DNAH10: variants seen among roughly 807,000 people sequenced by gnomAD.
The protein encoded by DNAH10 is dynein axonemal heavy chain 10, also known as axonemal beta dynein heavy chain 10.
DNAH10 carries 348 observed loss-of-function variants against 506.6 expected under a neutral mutation model. That is an observed-to-expected ratio of 0.69 (90% CI 0.63 to 0.75). The LOEUF (loss-of-function observed/expected upper bound fraction) is 0.75. Among genes scored for constraint, DNAH10 ranks in the 30% least tolerant of loss-of-function variants. DNAH10 has a pLI of 0.00. For synonymous variants in DNAH10, 2,059 were observed against 2,198.6 expected, an observed-to-expected ratio of 0.94 and a Z score of 1.78; for missense variants, 5,179 against 5,787.1, an observed-to-expected ratio of 0.89 and a Z score of 3.41.
Position 123,873,663 on chromosome 12 carries a change from A to G in DNAH10, c.7891A>G (p.Met2631Val), listed in dbSNP as rs771426524. 4.3e-6 allele frequency: 7 copies of G among 1,613,390 alleles called. No homozygotes were observed. The highest frequency in any genetic ancestry group is 5.9e-6 in the Non-Finnish European group (7 of 1,179,614). ...AACCAAAGATACTTACGGCCCACCCATGGGAAAACGCCTGCTGGTGTTCAT... is the reference window on the plus strand; with the variant it reads ...AACCAAAGATACTTACGGCCCACCCGTGGGAAAACGCCTGCTGGTGTTCAT... ...KRTKDTYGPP[M>V]GKRLLVFMDD... The change falls in exon 46 of 79, where the codon ATG becomes GTG. Residue 2631 changes from methionine (M) to valine (V), a missense_variant. By Grantham distance (21) the Met-to-Val change is conservative. Transcript: ENST00000673944.
At chr12:123,832,932 C>G (rs533458843) in intron 26 of DNAH10, among the ~76,000 whole-genome samples, 182 bp from the exon 27 acceptor site, 5 of 152,240 alleles carry the variant, frequency 3.3e-5, no homozygotes, top group Admixed American at 1.3e-4. Context: ...GCTTACCTGC[C>G]ACATAGCGAA....
chr12:123,766,457 C>T (rs1028780800), intron 1 of DNAH10, among the ~76,000 whole-genome samples: 6 of 152,080 alleles, frequency 3.9e-5, no homozygotes, highest in Admixed American at 6.6e-5. Context: ...CTCCCCCCAC[C>T]ACATGTTTTG....
At position 123,931,638 on chromosome 12, in the gene DNAH10, G is replaced by C; in HGVS notation, c.12919G>C (p.Glu4307Gln). 1 of 1,613,814 alleles carries C rather than the reference G, an allele frequency of 6.2e-7. No homozygotes were observed. Among genetic ancestry groups the C allele is most frequent in the East Asian group, 2.2e-5 (1 of 44,880 alleles). The change falls in exon 75 of 79, where the codon GAA becomes CAA. Residue 4307 changes from glutamate (E) to glutamine (Q), a missense_variant and splice_region_variant. Physicochemically the swap from Glu to Gln is conservative, Grantham distance 29. Coordinates refer to ENST00000673944, the MANE Select transcript of DNAH10 (RefSeq NM_001372106.1). The stretch of plus-strand genomic sequence containing the variant: ...TCTGAAAAGTGTCCTGGTTTTAGGG[G>C]AATCCAGCAGTGGTATCAGCCGCGA... The part of the protein sequence containing the change: ...HLLELQPQTG[E>Q]SSSGISRDDY...
chr12:123,896,148 C>CACATAG lies in DNAH10; in HGVS notation c.9280+1426_9280+1427insCATAGA, dbSNP rs1383690518. 9.0e-3 allele frequency among the ~76,000 whole-genome samples: 862 copies of CACATAG among 95,300 alleles called. 11 individuals are homozygous for CACATAG. Among genetic ancestry groups the CACATAG allele is most frequent in the Admixed American group, 0.02 (187 of 9,340 alleles). 62.5% of individuals were successfully genotyped at this position (95,300 alleles called of 152,430 possible). On this transcript the variant is annotated intron_variant, in intron 54 of 78. Transcript: ENST00000673944. Reference sequence around the variant, plus strand: ...ACACACACACACACACACACACACACAGAGAGAGAGAGAGAGAGAGAGAGA... The same window carrying CACATAG: ...ACACACACACACACACACACACACACACATAGAGAGAGAGAGAGAGAGAGAGAGAGA...
chr12:123,866,486 G>A (rs894744480), intron 41 of DNAH10, among the ~76,000 whole-genome samples: 1 of 151,744 alleles, frequency 6.6e-6, no homozygotes, highest in Non-Finnish European at 1.5e-5. Flanking sequence ...CTCGTGATCT[G>A]CCCGCCTCAG....
At chr12:123,885,232 AG>A (rs1473108256) in intron 51 of DNAH10, among the ~76,000 whole-genome samples, 1 of 152,250 alleles carries the variant, frequency 6.6e-6, no homozygotes, top group Non-Finnish European at 1.5e-5. Context: ...CCTTCTTACC[AG>A]CAATGGGTTA....
intron 24 of DNAH10, among the ~76,000 whole-genome samples, chr12:123,821,232 A>G (rs1316189397): frequency 1.3e-5 from 2 of 151,976 alleles, no homozygotes; most frequent in Non-Finnish European, 2.9e-5. Context: ...CCTGGGCGAC[A>G]AGAGCGAAAC....
intron 36 of DNAH10, among the ~76,000 whole-genome samples, chr12:123,856,755 A>G (rs1023637661): frequency 6.8e-6 from 1 of 147,716 alleles, no homozygotes; most frequent in Non-Finnish European, 1.5e-5. Flanking sequence ...TTACATATTA[A>G]TATAAAATAA....
chr12:123,921,374 A>C (rs1292948513), intron 65 of DNAH10, among the ~76,000 whole-genome samples: 1 of 152,208 alleles, frequency 6.6e-6, no homozygotes, highest in African/African-American at 2.4e-5. Flanking sequence ...TTTACCCTCA[A>C]CTATGCCTGG....
Position 123,813,316 on chromosome 12 carries a change from G to C in DNAH10, c.3297G>C (p.Arg1099Ser), listed in dbSNP as rs757903114. The C allele has an allele frequency of 6.2e-6, 10 of 1,614,174 alleles. No homozygotes were observed. Among genetic ancestry groups the C allele is most frequent in the Non-Finnish European group, 8.5e-6 (10 of 1,180,038 alleles). Reference sequence around the variant, plus strand: ...TTATGATCCCCCAAAATGTCCACAGGATTCTGATCAATCTTATGAAGTATC... The same window carrying C: ...TTATGATCCCCCAAAATGTCCACAGCATTCTGATCAATCTTATGAAGTATC... Reference protein sequence around the residue: ...QAVMIPQNVHRILINLMKYLQ... With the variant: ...QAVMIPQNVHSILINLMKYLQ... The change falls in exon 20 of 79, where the codon AGG becomes AGC. Residue 1099 changes from arginine (R) to serine (S), a missense_variant. Around this residue, in one of 3 missense-constraint regions of DNAH10, gnomAD observed 4,844 missense variants for 5,430.5 expected, o/e 0.89. Coordinates refer to ENST00000673944, the MANE Select transcript of DNAH10 (RefSeq NM_001372106.1).
chr12:123,923,217 C>CT (rs1954805195), intron 65 of DNAH10: 1 of 152,196 alleles, frequency 6.6e-6, no homozygotes, highest in Admixed American at 6.5e-5. Context: ...CCACTGCCTG[C>CT]TTTTGTAAAT....
intron 52 of DNAH10, among the ~76,000 whole-genome samples, chr12:123,890,029 C>T (rs2137148760): frequency 6.6e-6 from 1 of 152,314 alleles, no homozygotes; most frequent in South Asian, 2.1e-4. Context: ...GCGCTCCATC[C>T]CACCATCCTT....
chr12:123,797,888 C>A (rs370915632), intron 13 of DNAH10, among the ~76,000 whole-genome samples: 2 of 152,124 alleles, frequency 1.3e-5, no homozygotes, highest in Admixed American at 1.3e-4. Context: ...TTGAAGATCC[C>A]GATAGTAAAT....
At position 123,914,341 on chromosome 12, in the gene DNAH10, C is replaced by T. The variant is rs752306598; in HGVS notation, c.10365C>T (p.Asp3455=). 1.9e-6 allele frequency: 3 copies of T among 1,612,690 alleles called. No homozygotes were observed. The highest frequency in any genetic ancestry group is 2.5e-6 in the Non-Finnish European group (3 of 1,179,624). ...LGSENIRWLN[D]LDELMHRRVK... ...CCTCCCGTGCCAGGTGGCTGAACGA[C>T]CTGGATGAGCTGATGCACCGGCGCG... Residue 3455 remains aspartate (D), a synonymous_variant, in exon 61 of 79, where the codon GAC becomes GAT. Transcript: ENST00000673944.
intron 25 of DNAH10, among the ~76,000 whole-genome samples, chr12:123,829,386 C>T (rs762090095): frequency 6.6e-5 from 10 of 152,146 alleles, no homozygotes; most frequent in Non-Finnish European, 1.0e-4. Context: ...GGTCAGTGGT[C>T]TCAACCAGTT....
intron 13 of DNAH10, among the ~76,000 whole-genome samples, chr12:123,798,499 G>A (rs1038692475): frequency 1.3e-5 from 2 of 152,098 alleles, no homozygotes; most frequent in Non-Finnish European, 2.9e-5. Context: ...AACCATTCAC[G>A]AGAATTCCGC....
chr12:123,807,883 G>GGA (rs142612648), intron 18 of DNAH10, among the ~76,000 whole-genome samples: 25 of 1,312 alleles, frequency 0.019, no homozygotes, highest in Non-Finnish European at 0.025. Flanking sequence ...ACAGGAAGAG[G>GGA]GAGAGAGAGG....
chr12:123,846,238 G>C lies in DNAH10; in HGVS notation c.5814+84G>C. On this transcript the variant is annotated intron_variant, in intron 32 of 78. Coordinates refer to ENST00000673944, the MANE Select transcript of DNAH10 (RefSeq NM_001372106.1). This position sits in a 1 kb window ranked among gnomAD's most constrained non-coding sequence, Gnocchi z 4.5. ...AAGCTTGAGGTGTGATGACTGCAGT[G>C]ATTGAAATAGCAGGGGAGATCATTG... is the stretch of plus-strand genomic sequence containing the variant. 1 of 1,441,874 alleles carries C rather than the reference G, an allele frequency of 6.9e-7. No individual in the cohort carries two copies. Among genetic ancestry groups the C allele is most frequent in the South Asian group, 1.4e-5 (1 of 73,900 alleles). 89.3% of individuals were successfully genotyped at this position (1,441,874 alleles called of 1,614,324 possible).
intron 15 of DNAH10, 86 bp downstream of exon 15, chr12:123,800,474 CA>C: frequency 1.6e-6 from 2 of 1,220,692 alleles, no homozygotes; most frequent in Non-Finnish European, 2.3e-6. Context: ...AGGACCCCTC[CA>C]AAAGCTTTCA....
Sources: gnomAD v4.1 joint callset for allele counts (sites outside exome capture counted in the v4.1 genomes callset) on GRCh38, gnomAD v4.1.1 for gene constraint, gnomAD v4.1.1 regional missense constraint, Gnocchi (gnomAD v3.1) non-coding constraint, MANE v1.5 for transcripts, NCBI Gene and HGNC (gene_info 2026-07-23, HGNC 2026-07-21) for gene names.